Variants in RIC8B observed in about 807,000 individuals in gnomAD.
RIC8B encodes chaperone Ric-8B.
In RIC8B, 16 loss-of-function variants were observed where a neutral mutation model predicts 57.5. The observed-to-expected ratio is 0.28, with a 90% confidence interval of 0.19 to 0.42. RIC8B has a LOEUF of 0.42. Among genes scored for constraint, RIC8B ranks in the 10% least tolerant of loss-of-function variants. RIC8B has a pLI of 1.00. For missense variants in RIC8B, 481 were observed against 677.0 expected, an observed-to-expected ratio of 0.71 and a Z score of 3.21; for synonymous variants, 216 against 250.8, an observed-to-expected ratio of 0.86 and a Z score of 1.31.
chr12:106,873,485 T>G (rs985313926), intron 9 of RIC8B, among the ~76,000 whole-genome samples: 1 of 152,146 alleles, frequency 6.6e-6, no homozygotes, highest in African/African-American at 2.4e-5. Flanking sequence ...GTGTTCCTCA[T>G]TAGTCTTAAG....
At chr12:106,789,955 G>C (rs951809031) in intron 2 of RIC8B, among the ~76,000 whole-genome samples, 1 of 151,618 alleles carries the variant, frequency 6.6e-6, no homozygotes, top group South Asian at 2.1e-4. Flanking sequence ...TGATTATACT[G>C]TGCTTTTTAG....
intron 9 of RIC8B, among the ~76,000 whole-genome samples, chr12:106,871,905 AG>A (rs899253725): frequency 5.1e-4 from 78 of 152,348 alleles, no homozygotes; most frequent in African/African-American, 1.8e-3. Flanking sequence ...GCAGAGGCTT[AG>A]GGGTAGAAAT....
intron 4 of RIC8B, among the ~76,000 whole-genome samples, chr12:106,838,270 A>C (rs1290850234): frequency 6.6e-6 from 1 of 152,204 alleles, no homozygotes; most frequent in Non-Finnish European, 1.5e-5. Flanking sequence ...GGAAGACTGG[A>C]TTTCACTAAA....
Position 106,855,302 on chromosome 12 carries a change from C to T in RIC8B, c.1306+3708C>T, listed in dbSNP as rs1476465232. Among the ~76,000 whole-genome samples the T allele has an allele frequency of 2.0e-5, 3 of 152,176 alleles. No homozygotes were observed. In the East Asian group the frequency reaches 5.8e-4, roughly 29 times the overall value. On this transcript the variant is annotated intron_variant, in intron 7 of 9. Coordinates refer to ENST00000392837, the MANE Select transcript of RIC8B (RefSeq NM_001330145.2). The stretch of plus-strand genomic sequence containing the variant: ...CCCTTTCCTGTTGATCATTTCTCTT[C>T]CTGTGTTTGCAGAAGTGTTGCTCCA...
At chr12:106,859,956 T>A (rs1949860952) in intron 7 of RIC8B, among the ~76,000 whole-genome samples, 1 of 152,142 alleles carries the variant, frequency 6.6e-6, no homozygotes, top group Non-Finnish European at 1.5e-5. Context: ...AATAGTAAGA[T>A]CTGAGATCAG....
rs1160315971 is a variant in RIC8B, at chr12:106,888,043, T to C, written c.*2028T>C. The C allele has an allele frequency of 6.6e-6, 1 of 152,666 alleles. No individual in the cohort carries two copies. Among genetic ancestry groups the C allele is most frequent in the African/African-American group, 2.4e-5 (1 of 41,462 alleles). 9.5% of individuals were successfully genotyped at this position (152,666 alleles called of 1,614,324 possible). A position where few individuals can be genotyped will look rare whatever the true frequency, so the allele number is the denominator to read the frequency against. ...AAAGTTTAGAAAAAATTTAAGTATT[T>C]TTGTTATTCTACAAATGCATTTTTA... is the stretch of plus-strand genomic sequence containing the variant. On this transcript the variant is annotated 3_prime_UTR_variant, in exon 10 of 10. Transcript: ENST00000392837.
chr12:106,876,536 A>G (rs1396957856), intron 9 of RIC8B, among the ~76,000 whole-genome samples: 1 of 152,114 alleles, frequency 6.6e-6, no homozygotes, highest in East Asian at 1.9e-4. Context: ...TAAATTAAAC[A>G]CCTTAAGGTG....
chr12:106,870,222 G>A, intron 8 of RIC8B, among the ~76,000 whole-genome samples: 1 of 152,028 alleles, frequency 6.6e-6, no homozygotes, highest in East Asian at 1.9e-4. Flanking sequence ...CCTGTCTCTT[G>A]GTAGGCTAGA....
chr12:106,819,894 A>T (rs193124859), intron 3 of RIC8B, among the ~76,000 whole-genome samples: 5 of 151,962 alleles, frequency 3.3e-5, no homozygotes, highest in African/African-American at 1.2e-4. Flanking sequence ...GAAGACACTT[A>T]GATTGTTTGC....
chr12:106,855,044 TA>T (rs990755430), intron 7 of RIC8B, among the ~76,000 whole-genome samples: 2 of 152,218 alleles, frequency 1.3e-5, no homozygotes, highest in Non-Finnish European at 2.9e-5. Flanking sequence ...ATTGTTTAAT[TA>T]AAAGAAGATG....
At chr12:106,805,082 C>T (rs529457212) in intron 2 of RIC8B, among the ~76,000 whole-genome samples, 131 of 152,236 alleles carry the variant, frequency 8.6e-4, no homozygotes, top group Middle Eastern at 3.4e-3. Context: ...TATGGGGGAT[C>T]GGGCCCCTTC....
intron 2 of RIC8B, among the ~76,000 whole-genome samples, chr12:106,794,707 A>G (rs560581936): frequency 1.3e-5 from 2 of 152,282 alleles, no homozygotes; most frequent in East Asian, 1.9e-4. Flanking sequence ...AGATAAAGAC[A>G]TTTTCAGATA....
chr12:106,842,999 C>T lies in RIC8B; in HGVS notation c.1065+182C>T, dbSNP rs185523454. Among the ~76,000 whole-genome samples, 735 of 152,186 alleles carry T rather than the reference C, an allele frequency of 4.8e-3. 7 individuals carry two copies. Among genetic ancestry groups the T allele is most frequent in the Non-Finnish European group, 8.1e-3 (548 of 68,002 alleles). On this transcript the variant is annotated intron_variant, in intron 5 of 9. Transcript: ENST00000392837. The stretch of plus-strand genomic sequence containing the variant: ...TACAATATATGATAAATTGCTGAAG[C>T]CATGTTAATTTATTTGTTTAATGCT...
intron 8 of RIC8B, among the ~76,000 whole-genome samples, chr12:106,870,339 G>T (rs1225592117): frequency 6.6e-5 from 10 of 151,958 alleles, no homozygotes. Context: ...CTCACTAATG[G>T]ACTAATTTCC....
intron 9 of RIC8B, among the ~76,000 whole-genome samples, chr12:106,877,740 C>T (rs1328577119): frequency 1.3e-5 from 2 of 152,178 alleles, no homozygotes; most frequent in East Asian, 1.9e-4. Context: ...AGTTGCTCAA[C>T]CCGCAGCCCA....
At chr12:106,834,052 T>G (rs962158567) in intron 4 of RIC8B, among the ~76,000 whole-genome samples, 1 of 152,224 alleles carries the variant, frequency 6.6e-6, no homozygotes, top group Non-Finnish European at 1.5e-5. Flanking sequence ...GTGCTATGCT[T>G]GTACATCCTG....
rs1444495773 is a variant in RIC8B, at chr12:106,794,859, A to G, written c.132+10815A>G. On this transcript the variant is annotated intron_variant, in intron 2 of 9. Coordinates refer to ENST00000392837, the MANE Select transcript of RIC8B (RefSeq NM_001330145.2). ...ATAAAGAGTACCTGTAAAGCTAATTATGTAATTGTAGAAGTCAGTATGAAT... is the reference window on the plus strand; with the variant it reads ...ATAAAGAGTACCTGTAAAGCTAATTGTGTAATTGTAGAAGTCAGTATGAAT... Among the ~76,000 whole-genome samples, 5 of 152,364 alleles carry G rather than the reference A, an allele frequency of 3.3e-5. No individual in the cohort carries two copies. The East Asian group carries it at 9.6e-4, about 29-fold the overall frequency.
intron 4 of RIC8B, among the ~76,000 whole-genome samples, chr12:106,841,019 C>CT (rs1207347412): frequency 1.3e-5 from 2 of 152,050 alleles, no homozygotes; most frequent in African/African-American, 2.4e-5. Flanking sequence ...TTTCTAAGTG[C>CT]TTAAGATAGA....
chr12:106,832,179 A>C (rs1479658588), intron 4 of RIC8B, among the ~76,000 whole-genome samples: 2 of 151,898 alleles, frequency 1.3e-5, no homozygotes, highest in African/African-American at 4.8e-5. Context: ...CCCTGCCACC[A>C]CACACACACA....
Sources: allele counts gnomAD v4.1 joint callset (sites outside exome capture counted in the v4.1 genomes callset), GRCh38; gene constraint gnomAD v4.1.1; transcripts MANE v1.5; gene names NCBI Gene and HGNC (gene_info 2026-07-23, HGNC 2026-07-21).